The following NPTX2 variants were observed in gnomAD, a reference collection of about 807,000 sequenced individuals.
The protein encoded by NPTX2 is neuronal pentraxin-2.
In NPTX2, 23 loss-of-function variants were observed where a neutral mutation model predicts 38.1. That is an observed-to-expected ratio of 0.60 (90% confidence interval 0.43 to 0.85). NPTX2 has a LOEUF of 0.85. NPTX2 is among the 40% of genes least tolerant of loss of function. NPTX2 has a pLI of 0.00. For synonymous variants in NPTX2, 291 were observed against 287.3 expected (o/e 1.01, Z -0.13); for missense variants, 553 against 615.3 (o/e 0.90, Z 1.07).
chr7:98,625,201 C>G (rs972713987), intron 3 of NPTX2, 35 bp downstream of exon 3: 2 of 1,554,270 alleles, frequency 1.3e-6, no homozygotes, highest in African/African-American at 2.7e-5. Context: ...CTCCCCAGAA[C>G]CCATCATGTG....
rs755905245 is a variant in NPTX2, at chr7:98,625,365, G to A, written c.888+199G>A. On this transcript the variant is annotated intron_variant, in intron 3 of 4. Transcript: ENST00000265634. ...CACAGGGGCGGGGTGGGGAGGGGCCGAGCTGTGAGTCCAACCACCAAGCTG... is the reference window on the plus strand; with the variant it reads ...CACAGGGGCGGGGTGGGGAGGGGCCAAGCTGTGAGTCCAACCACCAAGCTG... Among the ~76,000 whole-genome samples the A allele has an allele frequency of 3.3e-5, 5 of 152,308 alleles. No homozygotes were observed. The East Asian group carries it at 7.7e-4, about 24-fold the overall frequency.
chr7:98,627,777 C>T (rs556463156), intron 4 of NPTX2, among the ~76,000 whole-genome samples: 27 of 152,248 alleles, frequency 1.8e-4, no homozygotes, highest in African/African-American at 6.3e-4. Flanking sequence ...GGTACCAACT[C>T]AGGATTGTGG....
In NPTX2 at chr7:98,625,142, C is replaced by G. The variant is rs1464132127; in HGVS notation, c.864C>G (p.Pro288=). Residue 288 remains proline, a synonymous_variant, in exon 3 of 5, where the codon CCC becomes CCG. Transcript: ENST00000265634. ...EIVLIEWGNN[P]IELLINDKVA... ...TGCTGATCGAGTGGGGCAACAACCC[C>G]ATCGAGCTGCTCATCAACGACAAGG... 6.3e-7 allele frequency: 1 copy of G among 1,599,718 alleles called. No individual in the cohort carries two copies. Among genetic ancestry groups the G allele is most frequent in the African/African-American group, 1.3e-5 (1 of 74,744 alleles).
chr7:98,621,945 G>A (rs1226659433), intron 2 of NPTX2, among the ~76,000 whole-genome samples: 6 of 152,168 alleles, frequency 3.9e-5, no homozygotes, highest in Admixed American at 2.6e-4. Flanking sequence ...CTGCTGCGTC[G>A]GAGGCTCCTT....
chr7:98,627,038 A>C, intron 3 of NPTX2, 127 bp from the exon 4 acceptor site: 1 of 591,220 alleles, frequency 1.7e-6, no homozygotes, highest in Non-Finnish European at 2.8e-6. Context: ...TTCTCCACGC[A>C]TGACCCCGGT....
Position 98,617,617 on chromosome 7 carries a change from G to A in NPTX2, c.156G>A (p.Ala52=). Residue 52 remains alanine (A), a synonymous_variant, in exon 1 of 5, where the codon GCG becomes GCA. Transcript: ENST00000265634. The part of the protein sequence containing the change: ...PLPAMPMQGG[A]QSPEEELRAA... ...CCGCGATGCCCATGCAGGGCGGCGC[G>A]CAGAGTCCCGAGGAGGAGCTGAGGG... The A allele has an allele frequency of 6.7e-7, 1 of 1,490,632 alleles. No individual in the cohort carries two copies. The highest frequency in any genetic ancestry group is 1.5e-5 in the African/African-American group (1 of 68,626). 92.3% of individuals were successfully genotyped at this position (1,490,632 alleles called of 1,614,324 possible).
rs1024300439 is a variant in NPTX2, at chr7:98,617,784, C to T, written c.323C>T (p.Thr108Met). The T allele has an allele frequency of 5.5e-6, 8 of 1,464,648 alleles. No homozygotes were observed. The highest frequency in any genetic ancestry group is 7.1e-6 in the Non-Finnish European group (8 of 1,120,478). 90.7% of individuals were successfully genotyped at this position (1,464,648 alleles called of 1,614,324 possible). A position where few individuals can be genotyped will look rare whatever the true frequency, so the allele number is the denominator to read the frequency against. The stretch of plus-strand genomic sequence containing the variant: ...GGCAAGGCGCGCGGCGCGGGGGCCA[C>T]GGGCAAGGACACTATGGGCGACCTG... ...AGGKARGAGA[T>M]GKDTMGDLPR... The change falls in exon 1 of 5, where the codon ACG (threonine) becomes ATG (methionine). Residue 108 changes from threonine to methionine, a missense_variant. Coordinates refer to ENST00000265634, the MANE Select transcript of NPTX2 (RefSeq NM_002523.3).
intron 2 of NPTX2, among the ~76,000 whole-genome samples, chr7:98,623,486 G>A (rs1473483308): frequency 6.6e-6 from 1 of 152,228 alleles, no homozygotes; most frequent in Non-Finnish European, 1.5e-5. Flanking sequence ...GAAGGGCCAA[G>A]GCTGTGACCA....
At chr7:98,623,986 A>G (rs1791307397) in intron 2 of NPTX2, among the ~76,000 whole-genome samples, 1 of 152,228 alleles carries the variant, frequency 6.6e-6, no homozygotes, top group Non-Finnish European at 1.5e-5. Flanking sequence ...AAGGAACCAG[A>G]CAGAGCCTCT....
chr7:98,619,596 C>G, intron 1 of NPTX2, 47 bp from the exon 2 acceptor site: 1 of 1,528,802 alleles, frequency 6.5e-7, no homozygotes, highest in South Asian at 1.1e-5. Flanking sequence ...TTCACAATTT[C>G]TTTTTAACTC....
At position 98,619,494 on chromosome 7, in the gene NPTX2, T is replaced by G. The variant is rs983051098; in HGVS notation, c.427-149T>G. On this transcript the variant is annotated intron_variant, in intron 1 of 4. Transcript: ENST00000265634. Reference sequence around the variant, plus strand: ...AAATCTTTTCCATACCAAAAAAGCATCAGTGAGATGCTCCCCTGCCTGCCA... The same window carrying G: ...AAATCTTTTCCATACCAAAAAAGCAGCAGTGAGATGCTCCCCTGCCTGCCA... 7 of 638,384 alleles carry G rather than the reference T, an allele frequency of 1.1e-5. No individual in the cohort carries two copies. The African/African-American group carries it at 1.3e-4, about 12-fold the overall frequency. 39.5% of individuals were successfully genotyped at this position (638,384 alleles called of 1,614,324 possible).
intron 2 of NPTX2, among the ~76,000 whole-genome samples, chr7:98,622,529 G>A (rs904155684): frequency 5.9e-5 from 9 of 152,222 alleles, no homozygotes; most frequent in Non-Finnish European, 1.3e-4. Flanking sequence ...GTGGAAAGAG[G>A]GACTTCCGGC....
rs770283865 is a variant in NPTX2, at chr7:98,619,759, G to A, written c.543G>A (p.Glu181=). ...RQLLRKVAEL[E]DEKSLLHNET... is the part of the protein sequence containing the mutation. ...TTCTGCGCAAGGTGGCAGAGCTGGAGGACGAGAAGTCCCTGCTGCACAATG... is the reference window on the plus strand; with the variant it reads ...TTCTGCGCAAGGTGGCAGAGCTGGAAGACGAGAAGTCCCTGCTGCACAATG... The change falls in exon 2 of 5, where the codon GAG becomes GAA. Residue 181 remains glutamate (E), a synonymous_variant. Coordinates refer to ENST00000265634, the MANE Select transcript of NPTX2 (RefSeq NM_002523.3). 1.2e-6 allele frequency: 2 copies of A among 1,613,480 alleles called. No individual in the cohort carries two copies. Among genetic ancestry groups the A allele is most frequent in the African/African-American group, 2.7e-5 (2 of 74,944 alleles).
At chr7:98,624,818 T>G (rs1315724453) in intron 2 of NPTX2, 104 bp from the exon 3 acceptor site, 2 of 1,429,604 alleles carry the variant, frequency 1.4e-6, no homozygotes, top group Non-Finnish European at 1.9e-6. Flanking sequence ...CAAGGCTGTG[T>G]GAGGGACCTT....
intron 1 of NPTX2, among the ~76,000 whole-genome samples, chr7:98,618,574 CCCT>C (rs1562848955): frequency 1.7e-5 from 1 of 60,274 alleles, no homozygotes; most frequent in African/African-American, 8.3e-5. Flanking sequence ...CTCTCTCCCC[CCCT>C]CCCCCCCTCC....
At position 98,628,661 on chromosome 7, in the gene NPTX2, C is replaced by A; in HGVS notation, c.*32C>A. 2.8e-6 allele frequency: 3 copies of A among 1,074,646 alleles called. No individual in the cohort carries two copies. Among genetic ancestry groups the A allele is most frequent in the Non-Finnish European group, 4.1e-6 (3 of 740,644 alleles). 66.6% of individuals were successfully genotyped at this position (1,074,646 alleles called of 1,614,324 possible). A position where few individuals can be genotyped will look rare whatever the true frequency, so the allele number is the denominator to read the frequency against. The stretch of plus-strand genomic sequence containing the variant: ...TCTCCTCTGTCCAGGAGGCCGGGAT[C>A]AGGCTGTTGCCATGGAAGTTCAGGG... On this transcript the variant is annotated 3_prime_UTR_variant, in exon 5 of 5. Transcript: ENST00000265634.
At chr7:98,627,868 G>T (rs1469118649) in intron 4 of NPTX2, among the ~76,000 whole-genome samples, 3 of 152,192 alleles carry the variant, frequency 2.0e-5, no homozygotes, top group South Asian at 2.1e-4. Flanking sequence ...TCCATAGTGG[G>T]TGCTCAGCCT....
chr7:98,627,603 G>A (rs192332337), intron 4 of NPTX2, among the ~76,000 whole-genome samples: 30 of 152,280 alleles, frequency 2.0e-4, no homozygotes, highest in African/African-American at 6.7e-4. Context: ...TGGGGTCACG[G>A]CCTGCATGGC....
rs1316200870 is a variant in NPTX2 at position 98,617,739 on chromosome 7, G to C, written c.278G>C (p.Arg93Pro). The change falls in exon 1 of 5, where the codon CGC becomes CCC. Residue 93 changes from arginine to proline, a missense_variant. Coordinates refer to ENST00000265634, the MANE Select transcript of NPTX2 (RefSeq NM_002523.3). Reference sequence around the variant, plus strand: ...CGCGAGCTCACGGGCAAGCTAGCGCGCTGCGAGGGGCTGGCGGGCGGCAAG... The same window carrying C: ...CGCGAGCTCACGGGCAAGCTAGCGCCCTGCGAGGGGCTGGCGGGCGGCAAG... ...AIRELTGKLA[R>P]CEGLAGGKAR... 7.0e-7 allele frequency: 1 copy of C among 1,426,316 alleles called. No individual in the cohort carries two copies. The highest frequency in any genetic ancestry group is 9.1e-7 in the Non-Finnish European group (1 of 1,102,702). The allele number at this position is 1,426,316 out of a possible 1,614,324, so 88.4% of individuals were successfully genotyped here.
Sources: allele counts gnomAD v4.1 joint callset (sites outside exome capture counted in the v4.1 genomes callset), GRCh38; gene constraint gnomAD v4.1.1; transcripts MANE v1.5; gene names NCBI Gene and HGNC (gene_info 2026-07-23, HGNC 2026-07-21).